KANK1: variants seen among roughly 807,000 people sequenced by gnomAD.
KANK1 encodes KN motif and ankyrin repeat domain-containing protein 1.
In KANK1, 109 loss-of-function variants were observed where a neutral mutation model predicts 106.2. That is an observed-to-expected ratio of 1.03 (90% CI 0.88 to 1.20). The LOEUF (loss-of-function observed/expected upper bound fraction) is 1.20. KANK1 is among the 50% of genes most tolerant of loss of function. The pLI, the probability that KANK1 is intolerant of heterozygous loss-of-function variation, is 0.00. For synonymous variants in KANK1, 873 were observed against 652.2 expected (o/e 1.34, Z -5.16); for missense variants, 2,399 against 1,710.7 (o/e 1.40, Z -7.10).
At chr9:655,370 TAAAAAA>T (rs59311073) in intron 1 of KANK1, among the ~76,000 whole-genome samples, 16 of 137,806 alleles carry the variant, frequency 1.2e-4, no homozygotes, top group East Asian at 2.1e-4. Context: ...AAATTCTGTC[TAAAAAA>T]AAAAAAAAAA....
intron 3 of KANK1, among the ~76,000 whole-genome samples, chr9:497,718 T>C (rs1312633911): frequency 6.6e-6 from 1 of 152,050 alleles, no homozygotes; most frequent in Non-Finnish European, 1.5e-5. Context: ...CCAGGCGTGG[T>C]GGCGTGTGCC....
rs1178839452 is a variant in KANK1, at chr9:514,266, C to CCCTT, written c.-84+9528_-84+9531dup. 1.7e-4 allele frequency among the ~76,000 whole-genome samples: 19 copies of CCCTT among 110,936 alleles called. 1 individual carries two copies. The highest frequency in any genetic ancestry group is 6.2e-4 in the East Asian group (3 of 4,818). 72.8% of individuals were successfully genotyped at this position (110,936 alleles called of 152,430 possible). On this transcript the variant is annotated intron_variant, in intron 1 of 11. Coordinates refer to ENST00000382297, the MANE Select transcript of KANK1 (RefSeq NM_015158.5). ...TTCCTTCCTTCCTCCCTCCGTCCCTCCCTTCCTTCCTTCCTTCCTATTCAT... is the reference window on the plus strand; with the variant it reads ...TTCCTTCCTTCCTCCCTCCGTCCCTCCCTTCCTTCCTTCCTTCCTTCCTATTCAT...
intron 1 of KANK1, among the ~76,000 whole-genome samples, chr9:565,914 G>A (rs1817688323): frequency 6.6e-6 from 1 of 152,166 alleles, no homozygotes; most frequent in Admixed American, 6.5e-5. Flanking sequence ...TTGTTAATAT[G>A]GGTAAACTCG....
In KANK1 at chr9:488,801, A is replaced by G. The variant is rs948148292; in HGVS notation, c.-362+15528A>G. Among the ~76,000 whole-genome samples, 6 of 152,320 alleles carry G rather than the reference A, an allele frequency of 3.9e-5. No homozygotes were observed. The East Asian group carries it at 7.7e-4, about 20-fold the overall frequency. On this transcript the variant is annotated intron_variant, in intron 3 of 15. Transcript: ENST00000382303. ...TGTTTATTATTATTCTAAGAATAGC[A>G]TAGCTTTTGGGTCTGTATTTTACAA...
chr9:471,095 C>T (rs546930815), intron 2 of KANK1: 1 of 152,348 alleles, frequency 6.6e-6, no homozygotes, highest in East Asian at 1.9e-4. Context: ...TGTTTCTCAG[C>T]TAGCTTATGT....
intron 1 of KANK1, chr9:540,521 C>G (rs1328508150): frequency 1.3e-5 from 2 of 152,154 alleles, no homozygotes; most frequent in Non-Finnish European, 2.9e-5. Context: ...CCTTGCTGGC[C>G]TTGCAAAATG....
chr9:690,511 T>C (rs575094562), intron 2 of KANK1, among the ~76,000 whole-genome samples: 1 of 151,866 alleles, frequency 6.6e-6, no homozygotes, highest in South Asian at 2.1e-4. Flanking sequence ...AATGAGTTCG[T>C]GTATGTATAA....
At chr9:701,026 A>G (rs7024449) in intron 2 of KANK1, among the ~76,000 whole-genome samples, 94,803 of 152,088 alleles carry the variant, frequency 0.62, 30,558 homozygotes, top group Middle Eastern at 0.69. Flanking sequence ...AAAGTATTGA[A>G]TGCTTTTCTT....
At chr9:687,123 A>G (rs953870339) in intron 2 of KANK1, among the ~76,000 whole-genome samples, 1 of 152,158 alleles carries the variant, frequency 6.6e-6, no homozygotes, top group African/African-American at 2.4e-5. Flanking sequence ...AAATACTTCA[A>G]TTCAGTGAGT....
intron 1 of KANK1, among the ~76,000 whole-genome samples, chr9:604,745 G>A (rs142259312): frequency 2.6e-5 from 4 of 151,644 alleles, no homozygotes; most frequent in Admixed American, 6.6e-5. Context: ...CAGGAGAATC[G>A]ATTGAACCTG....
chr9:663,497 G>A (rs931451926), intron 1 of KANK1, among the ~76,000 whole-genome samples: 1 of 152,174 alleles, frequency 6.6e-6, no homozygotes, highest in Non-Finnish European at 1.5e-5. Context: ...CCCAAGTCAG[G>A]AAGAAACATA....
At chr9:623,848 A>G (rs10975462) in intron 1 of KANK1, among the ~76,000 whole-genome samples, 38,270 of 151,884 alleles carry the variant, frequency 0.25, 5,027 homozygotes, top group Admixed American at 0.33. Context: ...GTAAAAATCA[A>G]CTATATGATC....
rs1454998068 is a variant in KANK1, at chr9:740,845, GCGGCCCTCGCC to G, written c.3608_3618del (p.Ala1203GlyfsTer25). ...GGCAGGCTACACCCCCATCATGTTG[GCGGCCCTCGCC>G]GCTGTGGAAGCAGAGAAGGACATGC... On this transcript the variant is annotated frameshift_variant, in exon 9 of 12. Transcript: ENST00000382297. LOFTEE classifies it high-confidence loss of function. 6.2e-7 allele frequency: 1 copy of G among 1,613,812 alleles called. No homozygotes were observed. Among genetic ancestry groups the G allele is most frequent in the African/African-American group, 1.3e-5 (1 of 74,800 alleles).
chr9:711,056 GTGA>G lies in KANK1; in HGVS notation c.294_296del (p.Asp99del). ...ACTGAATCCCTCTCATCCTCCAACA[GTGA>G]TGACAACAAGCAGTGCCCCAACTTC... On this transcript the variant is annotated inframe_deletion, in exon 3 of 12. Transcript: ENST00000382297. 3 of 1,614,176 alleles carry G rather than the reference GTGA, an allele frequency of 1.9e-6. No individual in the cohort carries two copies. The highest frequency in any genetic ancestry group is 2.5e-6 in the Non-Finnish European group (3 of 1,180,032).
intron 1 of KANK1, among the ~76,000 whole-genome samples, chr9:603,000 T>C (rs530059280): frequency 3.3e-5 from 5 of 152,008 alleles, no homozygotes; most frequent in South Asian, 2.1e-4. Flanking sequence ...ACAGTGATAA[T>C]TATCTTCCTT....
At chr9:630,295 C>A (rs1361849742) in intron 1 of KANK1, among the ~76,000 whole-genome samples, 1 of 151,626 alleles carries the variant, frequency 6.6e-6, no homozygotes, top group Non-Finnish European at 1.5e-5. Flanking sequence ...GTGGCTCACG[C>A]CTGTAATCCC....
Position 680,700 on chromosome 9 carries a change from A to G in KANK1, c.37+3691A>G, listed in dbSNP as rs532870309. On this transcript the variant is annotated intron_variant, in intron 2 of 11. Coordinates refer to ENST00000382297, the MANE Select transcript of KANK1 (RefSeq NM_015158.5). ...GTCTCCTGTGTACACGGTTGCCAGA[A>G]GAAAAAATACTAAGCACGTGTTCAT... Among the ~76,000 whole-genome samples, 5 of 152,270 alleles carry G rather than the reference A, an allele frequency of 3.3e-5. No individual in the cohort carries two copies. In the South Asian group the frequency reaches 8.3e-4, roughly 25 times the overall value.
chr9:502,635 G>A (rs552915055), upstream of KANK1, among the ~76,000 whole-genome samples: 23 of 151,748 alleles, frequency 1.5e-4, no homozygotes, highest in African/African-American at 4.4e-4. Flanking sequence ...GGATTCTCCT[G>A]CCTCAGCCTC....
intron 1 of KANK1, among the ~76,000 whole-genome samples, chr9:614,198 T>C (rs1337036593): frequency 1.3e-5 from 2 of 152,152 alleles, no homozygotes; most frequent in Non-Finnish European, 2.9e-5. Flanking sequence ...AGCTGTGAGA[T>C]AATGGTGTAT....
Sources: allele counts gnomAD v4.1 joint callset (sites outside exome capture counted in the v4.1 genomes callset), GRCh38; gene constraint gnomAD v4.1.1; transcripts MANE v1.5; gene names NCBI Gene and HGNC (gene_info 2026-07-23, HGNC 2026-07-21).